The following SLC2A9 variants were observed in gnomAD, a reference collection of about 807,000 sequenced individuals.
SLC2A9 encodes solute carrier family 2, facilitated glucose transporter member 9.
In SLC2A9, 39 loss-of-function variants were observed where a neutral mutation model predicts 50.6. The observed-to-expected ratio is 0.77, with a 90% CI of 0.60 to 1.01. SLC2A9 has a LOEUF of 1.01. SLC2A9 is among the 50% of genes least tolerant of loss of function. The pLI is 0.00. For synonymous variants in SLC2A9, 324 were observed against 276.9 expected (o/e 1.17, Z -1.69); for missense variants, 686 against 677.6 (o/e 1.01, Z -0.14).
At chr4:9,841,156 C>T (rs1184747849) in intron 10 of SLC2A9, among the ~76,000 whole-genome samples, 1 of 152,136 alleles carries the variant, frequency 6.6e-6, no homozygotes, top group East Asian at 1.9e-4. Context: ...ATAGCATATC[C>T]CTTTGAGCTG....
intron 10 of SLC2A9, among the ~76,000 whole-genome samples, chr4:9,852,085 T>C (rs1467620685): frequency 6.6e-6 from 1 of 152,146 alleles, no homozygotes; most frequent in African/African-American, 2.4e-5. Flanking sequence ...CCAAGATACA[T>C]AGTCCGTCAG....
exon 2 of SLC2A9, chr4:9,771,246 G>T (rs1017012547): frequency 8.1e-6 from 3 of 370,396 alleles, no homozygotes; most frequent in African/African-American, 6.3e-5. Context: ...CTCAGTGACA[G>T]TGCAGAAAAA....
intron 3 of SLC2A9, among the ~76,000 whole-genome samples, chr4:9,786,518 T>C (rs1719242929): frequency 6.6e-6 from 1 of 152,250 alleles, no homozygotes; most frequent in Non-Finnish European, 1.5e-5. Context: ...ATCTTCATTG[T>C]GTACCTGCTC....
chr4:9,967,794 A>G (rs942510423), intron 5 of SLC2A9, among the ~76,000 whole-genome samples: 1 of 149,828 alleles, frequency 6.7e-6, no homozygotes, highest in African/African-American at 2.5e-5. Context: ...AAATAAAGTG[A>G]CTGGTTATTT....
At chr4:9,901,899 G>C (rs940321937) in intron 8 of SLC2A9, among the ~76,000 whole-genome samples, 1 of 152,228 alleles carries the variant, frequency 6.6e-6, no homozygotes, top group Non-Finnish European at 1.5e-5. Flanking sequence ...AATGAGGCCA[G>C]GGGTTGGTTT....
chr4:9,906,645 A>AT, intron 8 of SLC2A9, among the ~76,000 whole-genome samples: 1 of 152,218 alleles, frequency 6.6e-6, no homozygotes, highest in Admixed American at 6.5e-5. Context: ...GTTCCTCTCT[A>AT]TTTTTCCGAA....
intron 10 of SLC2A9, among the ~76,000 whole-genome samples, chr4:9,868,976 T>C (rs1272767693): frequency 6.6e-6 from 1 of 152,186 alleles, no homozygotes; most frequent in African/African-American, 2.4e-5. Context: ...AATGTTTTCC[T>C]TCCTCCAAGA....
chr4:9,848,615 G>T (rs866540221), intron 10 of SLC2A9, among the ~76,000 whole-genome samples: 17 of 152,042 alleles, frequency 1.1e-4, no homozygotes, highest in South Asian at 4.1e-4. Flanking sequence ...CTGTCTCTTG[G>T]GTGCTTGACA....
chr4:9,877,536 T>C (rs1384623521), intron 10 of SLC2A9, among the ~76,000 whole-genome samples: 1 of 152,236 alleles, frequency 6.6e-6, no homozygotes, highest in Non-Finnish European at 1.5e-5. Flanking sequence ...TCCCAGGCAT[T>C]TGACACACAT....
At chr4:10,018,873 C>G (rs890430607) in intron 2 of SLC2A9, 102 bp downstream of exon 2, 2 of 1,164,546 alleles carry the variant, frequency 1.7e-6, no homozygotes, top group Admixed American at 2.2e-5. Context: ...TGTCCCGCGC[C>G]GCGAGCGCAA....
intron 5 of SLC2A9, among the ~76,000 whole-genome samples, chr4:9,958,299 GA>G (rs1167912682): frequency 6.6e-6 from 1 of 152,118 alleles, no homozygotes; most frequent in Non-Finnish European, 1.5e-5. Flanking sequence ...AGCAAAACAA[GA>G]AAATAAACCA....
In SLC2A9 at chr4:9,970,920, T is replaced by C. The variant is rs1052267850; in HGVS notation, c.681+9672A>G. Among the ~76,000 whole-genome samples the C allele has an allele frequency of 7.9e-5, 12 of 152,288 alleles. No individual in the cohort carries two copies. In the South Asian group the frequency reaches 2.1e-3, roughly 26 times the overall value. On this transcript the variant is annotated intron_variant, in intron 5 of 11. Transcript: ENST00000264784. ...TTATCTATAGATTCCAGACATTATA[T>C]AGAAGGACATTGTGAAACCTCCCAT...
At chr4:9,999,045 A>G (rs1467507386) in intron 2 of SLC2A9, among the ~76,000 whole-genome samples, 2 of 150,278 alleles carry the variant, frequency 1.3e-5, no homozygotes, top group African/African-American at 2.5e-5. Context: ...GACAGAAGAA[A>G]TAACTGGGGA....
chr4:10,024,771 A>T (rs1240923519), upstream of SLC2A9, among the ~76,000 whole-genome samples: 3 of 152,226 alleles, frequency 2.0e-5, no homozygotes, highest in Non-Finnish European at 2.9e-5. Flanking sequence ...TCCTAAGGCT[A>T]AAAAGTTGTC....
chr4:9,997,920 C>G (rs1378920570), intron 2 of SLC2A9, among the ~76,000 whole-genome samples: 1 of 152,002 alleles, frequency 6.6e-6, no homozygotes, highest in Non-Finnish European at 1.5e-5. Context: ...ATCCTATCTA[C>G]GATATACAAA....
intron 3 of SLC2A9, among the ~76,000 whole-genome samples, chr4:9,813,779 C>A (rs2109004536): frequency 6.6e-6 from 1 of 152,038 alleles, no homozygotes; most frequent in South Asian, 2.1e-4. Context: ...ATTCTAGAGG[C>A]AAGGGTGCCT....
At chr4:9,774,275 G>A (rs1717226490) in intron 1 of SLC2A9, among the ~76,000 whole-genome samples, 1 of 152,076 alleles carries the variant, frequency 6.6e-6, no homozygotes, top group Non-Finnish European at 1.5e-5. Context: ...TTAAAGGCGT[G>A]AGCCACCACA....
At chr4:9,994,676 C>A (rs1415528660) in intron 3 of SLC2A9, among the ~76,000 whole-genome samples, 1 of 151,346 alleles carries the variant, frequency 6.6e-6, no homozygotes, top group Non-Finnish European at 1.5e-5. Context: ...GTCAAAGTCC[C>A]TTGTAACACA....
chr4:9,888,232 C>T (rs1157799915), intron 9 of SLC2A9, among the ~76,000 whole-genome samples: 5 of 150,670 alleles, frequency 3.3e-5, no homozygotes, highest in South Asian at 2.1e-4. Context: ...CAAACCTGCA[C>T]GTTCTGCACA....
Sources: allele counts gnomAD v4.1 joint callset (sites outside exome capture counted in the v4.1 genomes callset), GRCh38; gene constraint gnomAD v4.1.1; transcripts MANE v1.5; gene names NCBI Gene and HGNC (gene_info 2026-07-23, HGNC 2026-07-21).